DNAH14: variants seen among roughly 807,000 people sequenced by gnomAD.
DNAH14 encodes the protein dynein axonemal heavy chain 14.
In DNAH14, 478 loss-of-function variants were observed where a neutral mutation model predicts 520.9. The ratio of observed to expected loss-of-function variants is 0.92; its 90% CI spans 0.85 to 0.99. The LOEUF is 0.99. Among genes scored for constraint, DNAH14 ranks in the 50% least tolerant of loss-of-function variants. The pLI is 0.00. For synonymous variants in DNAH14, 1,581 were observed against 1,757.2 expected, an observed-to-expected ratio of 0.90 and a Z score of 2.51; for missense variants, 4,831 against 5,234.5, an observed-to-expected ratio of 0.92 and a Z score of 2.38.
chr1:225,360,676 T>C lies in DNAH14; in HGVS notation c.11777-5T>C, dbSNP rs1371577914. The C allele has an allele frequency of 2.3e-5, 36 of 1,550,910 alleles. No individual in the cohort carries two copies. Among genetic ancestry groups the C allele is most frequent in the Non-Finnish European group, 3.0e-5 (34 of 1,146,374 alleles). ...TTTTATATACCTCTCCACGTTGTTA[T>C]ACAGGGATCGACCTTACCAATATCC... is the stretch of plus-strand genomic sequence containing the variant. On this transcript the variant is annotated splice_polypyrimidine_tract_variant and splice_region_variant and intron_variant, in intron 74 of 85. Coordinates refer to ENST00000682510, the MANE Select transcript of DNAH14 (RefSeq NM_001367479.1).
At chr1:225,021,122 C>A (rs534290915) in intron 10 of DNAH14, among the ~76,000 whole-genome samples, 1 of 152,306 alleles carries the variant, frequency 6.6e-6, no homozygotes, top group Non-Finnish European at 1.5e-5. Flanking sequence ...AAACTCTCAA[C>A]AAGCTGGGCA....
intron 1 of DNAH14, among the ~76,000 whole-genome samples, chr1:224,936,341 G>A (rs572824467): frequency 1.7e-4 from 26 of 151,646 alleles, no homozygotes; most frequent in African/African-American, 6.3e-4. Flanking sequence ...ACCAGAAAAG[G>A]AGAGAGAAGA....
At chr1:225,393,814 G>GT (rs1354333069) in intron 84 of DNAH14, among the ~76,000 whole-genome samples, 4,598 of 143,110 alleles carry the variant, frequency 0.032, 226 homozygotes, top group African/African-American at 0.12. Context: ...ATCTTTTTTT[G>GT]TTTTTTTTTT....
intron 21 of DNAH14, among the ~76,000 whole-genome samples, chr1:225,093,238 A>C (rs957487219): frequency 2.6e-5 from 4 of 152,130 alleles, no homozygotes; most frequent in African/African-American, 9.7e-5. Context: ...GCACATAAAA[A>C]TACTAGCAAA....
At chr1:224,932,146 A>G (rs779180534) in intron 1 of DNAH14, among the ~76,000 whole-genome samples, 4 of 152,022 alleles carry the variant, frequency 2.6e-5, no homozygotes, top group Non-Finnish European at 5.9e-5. Context: ...TTTTATTAAT[A>G]GCCATTCTGA....
rs1434126573 is a variant in DNAH14 at position 225,374,836 on chromosome 1, T to A, written c.12467T>A (p.Phe4156Tyr). 1 of 1,551,318 alleles carries A rather than the reference T, an allele frequency of 6.4e-7. No homozygotes were observed. The highest frequency in any genetic ancestry group is 1.2e-5 in the South Asian group (1 of 84,024). ...KRCLKTLLYK[F>Y]CNPEVLKDDF... ...TGCTTGAAGACCCTACTCTACAAAT[T>A]TTGTAATCCTGAAGTGCTGAAAGAT... The change falls in exon 78 of 86, where the codon TTT becomes TAT. Residue 4156 changes from phenylalanine (F) to tyrosine (Y), a missense_variant. Coordinates refer to ENST00000682510, the MANE Select transcript of DNAH14 (RefSeq NM_001367479.1).
At chr1:225,335,906 CATGT>C (rs1295285824) in intron 66 of DNAH14, among the ~76,000 whole-genome samples, 2 of 135,806 alleles carry the variant, frequency 1.5e-5, no homozygotes, top group African/African-American at 5.7e-5. Context: ...TACATATATG[CATGT>C]ATGTATATAT....
At position 225,100,809 on chromosome 1, in the gene DNAH14, A is replaced by G; in HGVS notation, c.3792A>G (p.Ile1264Met). ...KIQNKQNALQ[I>M]TTSAGVLEIL... is the part of the protein sequence containing the mutation. ...AAAACAAACAGAATGCTTTGCAGAT[A>G]ACCACTTCTGCAGGAGTCCTTGAAA... The change falls in exon 23 of 86, where the codon ATA becomes ATG. Residue 1264 changes from isoleucine to methionine, a missense_variant. By Grantham distance (10) the Ile-to-Met change is conservative. Transcript: ENST00000682510. 1 of 1,538,190 alleles carries G rather than the reference A, an allele frequency of 6.5e-7. No individual in the cohort carries two copies. The highest frequency in any genetic ancestry group is 8.8e-7 in the Non-Finnish European group (1 of 1,142,594).
chr1:225,177,869 A>G (rs1164908755), intron 36 of DNAH14, among the ~76,000 whole-genome samples: 2 of 152,106 alleles, frequency 1.3e-5, no homozygotes, highest in Non-Finnish European at 2.9e-5. Context: ...CTACTGGAGC[A>G]CCATCTAGTG....
intron 41 of DNAH14, among the ~76,000 whole-genome samples, chr1:225,225,674 TA>T (rs1205554365): frequency 6.6e-6 from 1 of 152,126 alleles, no homozygotes; most frequent in East Asian, 1.9e-4. Flanking sequence ...CAATCAACCA[TA>T]AAAAAGCATT....
chr1:225,369,292 A>C (rs2150623896), intron 77 of DNAH14, among the ~76,000 whole-genome samples: 1 of 152,180 alleles, frequency 6.6e-6, no homozygotes, highest in East Asian at 1.9e-4. Flanking sequence ...ATAAAAGGCA[A>C]GACTATTAAA....
chr1:225,159,205 G>C, intron 34 of DNAH14, 109 bp from the exon 35 acceptor site: 2 of 820,026 alleles, frequency 2.4e-6, no homozygotes, highest in Non-Finnish European at 3.8e-6. Flanking sequence ...AGAGAGGAGG[G>C]AAGGACATTG....
At chr1:225,335,190 T>C (rs1217896280) in intron 66 of DNAH14, among the ~76,000 whole-genome samples, 2 of 138,188 alleles carry the variant, frequency 1.4e-5, no homozygotes, top group Non-Finnish European at 3.3e-5. Flanking sequence ...CGCATGTGTG[T>C]ATATATGCAC....
intron 8 of DNAH14, among the ~76,000 whole-genome samples, chr1:224,981,180 C>T (rs1484265723): frequency 6.6e-6 from 1 of 152,144 alleles, no homozygotes; most frequent in African/African-American, 2.4e-5. Context: ...TTGTTGGATT[C>T]AGTTAGCTAG....
chr1:225,067,784 C>T (rs2071075628), intron 17 of DNAH14, among the ~76,000 whole-genome samples: 1 of 151,834 alleles, frequency 6.6e-6, no homozygotes, highest in Admixed American at 6.6e-5. Flanking sequence ...CCTTTACCCA[C>T]TTTTTTATTG....
chr1:224,968,918 A>G, intron 7 of DNAH14, 44 bp downstream of exon 7: 2 of 1,344,916 alleles, frequency 1.5e-6, no homozygotes, highest in Middle Eastern at 1.8e-4. Context: ...GTTTGATCCT[A>G]TTGAAGGAGC....
At chr1:225,153,859 G>T (rs2080763386) in intron 34 of DNAH14, 33 bp downstream of exon 34, 1 of 1,483,438 alleles carries the variant, frequency 6.7e-7, no homozygotes, top group African/African-American at 1.4e-5. Flanking sequence ...AGGTCAAAGG[G>T]AGTTATATAC....
At chr1:225,195,300 CA>C (rs1205508658) in intron 38 of DNAH14, among the ~76,000 whole-genome samples, 1 of 151,968 alleles carries the variant, frequency 6.6e-6, no homozygotes, top group African/African-American at 2.4e-5. Context: ...AAATGTGGTA[CA>C]TATACAGCAT....
intron 43 of DNAH14, among the ~76,000 whole-genome samples, chr1:225,245,685 T>G (rs766928520): frequency 3.9e-5 from 6 of 152,144 alleles, no homozygotes; most frequent in Non-Finnish European, 7.4e-5. Flanking sequence ...GAAGGACCTC[T>G]TCAAGGAGAA....
Sources: gnomAD v4.1 joint callset for allele counts (sites outside exome capture counted in the v4.1 genomes callset) on GRCh38, gnomAD v4.1.1 for gene constraint, MANE v1.5 for transcripts, NCBI Gene and HGNC (gene_info 2026-07-23, HGNC 2026-07-21) for gene names.